Variants in CALN1 observed in about 807,000 individuals in gnomAD.
CALN1 encodes calneuron 1.
A neutral mutation model predicts 30.6 loss-of-function variants in CALN1; 17 were observed. The ratio of observed to expected loss-of-function variants is 0.56; its 90% CI spans 0.38 to 0.83. The LOEUF (loss-of-function observed/expected upper bound fraction) is 0.83, where lower values mean the gene tolerates loss of function less well. Among genes scored for constraint, CALN1 ranks in the 40% least tolerant of loss-of-function variants. The pLI is 0.00. For missense variants in CALN1, 291 were observed against 354.9 expected (o/e 0.82, Z 1.45); for synonymous variants, 156 against 131.4 (o/e 1.19, Z -1.28).
intron 3 of CALN1, among the ~76,000 whole-genome samples, chr7:72,258,675 T>C (rs1003902432): frequency 3.3e-5 from 5 of 152,044 alleles, no homozygotes; most frequent in African/African-American, 7.2e-5. Context: ...ATCTCAGCAC[T>C]CTGAGGCTGA....
intron 4 of CALN1, among the ~76,000 whole-genome samples, chr7:72,033,756 G>A (rs145934119): frequency 2.6e-5 from 4 of 152,228 alleles, no homozygotes; most frequent in East Asian, 1.9e-4. Flanking sequence ...GCTCATCTTC[G>A]ATGCAGAGTC....
At chr7:72,153,216 C>G (rs1417100880) in intron 3 of CALN1, among the ~76,000 whole-genome samples, 1 of 152,172 alleles carries the variant, frequency 6.6e-6, no homozygotes, top group Non-Finnish European at 1.5e-5. Flanking sequence ...TGCCAGGGGA[C>G]ATTATTACAG....
At chr7:71,892,334 T>C (rs1793288686) in intron 5 of CALN1, among the ~76,000 whole-genome samples, 1 of 152,184 alleles carries the variant, frequency 6.6e-6, no homozygotes, top group African/African-American at 2.4e-5. Flanking sequence ...CTAGTATTTT[T>C]CTCATAAAAT....
intron 6 of CALN1, among the ~76,000 whole-genome samples, chr7:71,792,141 A>G (rs559191370): frequency 1.1e-4 from 17 of 152,186 alleles, no homozygotes; most frequent in Non-Finnish European, 2.4e-4. Flanking sequence ...TTTCCTGATA[A>G]TTATTGAAGA....
At chr7:72,063,057 G>C (rs1211978710) in intron 4 of CALN1, among the ~76,000 whole-genome samples, 1 of 152,060 alleles carries the variant, frequency 6.6e-6, no homozygotes, top group Admixed American at 6.6e-5. Flanking sequence ...AACACCTAGA[G>C]TCTAATACCT....
At chr7:72,454,191 C>T in the CALN1 span, among the ~76,000 whole-genome samples, 1 of 152,160 alleles carries the variant, frequency 6.6e-6, no homozygotes, top group African/African-American at 2.4e-5. Context: ...CTCAATTCAT[C>T]ATCTGTGGGA....
At chr7:72,000,509 GA>G (rs1799471100) in intron 5 of CALN1, among the ~76,000 whole-genome samples, 2 of 151,796 alleles carry the variant, frequency 1.3e-5, no homozygotes, top group Admixed American at 6.6e-5. Flanking sequence ...CACCATTAAA[GA>G]AATTGATTTC....
intron 5 of CALN1, among the ~76,000 whole-genome samples, chr7:71,815,026 AGTTTCACCGT>A (rs1181390076): frequency 6.6e-6 from 1 of 151,762 alleles, no homozygotes; most frequent in Non-Finnish European, 1.5e-5. Context: ...GTAGAGACGG[AGTTTCACCGT>A]GTTAGCCAGG....
At chr7:72,317,088 G>GAGAGAAAGAAAGAA (rs369726495) in intron 2 of CALN1, among the ~76,000 whole-genome samples, 1 of 141,988 alleles carries the variant, frequency 7.0e-6, no homozygotes. Flanking sequence ...GAAAGAGAGA[G>GAGAGAAAGAAAGAA]AGAGAGGGAG....
chr7:72,020,142 C>A (rs1800622158), intron 5 of CALN1, among the ~76,000 whole-genome samples: 1 of 152,154 alleles, frequency 6.6e-6, no homozygotes, highest in Admixed American at 6.5e-5. Context: ...TCACTGCAGC[C>A]TCAAACTCCT....
intron 5 of CALN1, among the ~76,000 whole-genome samples, chr7:71,923,165 A>G (rs1017471700): frequency 1.3e-5 from 2 of 152,198 alleles, no homozygotes; most frequent in South Asian, 4.1e-4. Flanking sequence ...TAAACAAGTG[A>G]GTAGCTTCAA....
chr7:71,846,854 GTATA>G (rs986116759), intron 5 of CALN1, among the ~76,000 whole-genome samples: 1 of 132,808 alleles, frequency 7.5e-6, no homozygotes, highest in Admixed American at 7.5e-5. Context: ...TATTATATAT[GTATA>G]TATGTATGTA....
chr7:72,156,844 C>T (rs148906467), intron 3 of CALN1, among the ~76,000 whole-genome samples: 1 of 152,292 alleles, frequency 6.6e-6, no homozygotes, highest in East Asian at 1.9e-4. Flanking sequence ...ATATCACAAC[C>T]CCACCTGCAA....
intron 3 of CALN1, among the ~76,000 whole-genome samples, chr7:72,261,464 G>A (rs375904158): frequency 6.6e-6 from 1 of 151,842 alleles, no homozygotes; most frequent in Admixed American, 6.6e-5. Flanking sequence ...TGTTGCCAAG[G>A]CTGGAGTGCA....
intron 5 of CALN1, among the ~76,000 whole-genome samples, chr7:71,898,018 GGA>G (rs1178513997): frequency 1.2e-4 from 10 of 80,944 alleles, no homozygotes; most frequent in Admixed American, 2.9e-4. Context: ...GGAGGGGGGG[GGA>G]GAGAGAGAGA....
chr7:72,347,345 C>G (rs2129559099), intron 2 of CALN1, among the ~76,000 whole-genome samples: 1 of 151,976 alleles, frequency 6.6e-6, no homozygotes, highest in South Asian at 2.1e-4. Flanking sequence ...CAGCTCACTG[C>G]AGCCTCTGCC....
intron 3 of CALN1, among the ~76,000 whole-genome samples, chr7:72,148,657 C>A (rs1392229505): frequency 2.0e-5 from 3 of 152,042 alleles, no homozygotes; most frequent in African/African-American, 7.2e-5. Flanking sequence ...GTAATCCCAG[C>A]ACTTTGGGAG....
At chr7:72,204,147 CCTGG>C (rs1411661392) in intron 3 of CALN1, among the ~76,000 whole-genome samples, 2 of 147,842 alleles carry the variant, frequency 1.4e-5, no homozygotes, top group Non-Finnish European at 3.0e-5. Flanking sequence ...TGTCACCACA[CCTGG>C]CTAATTTTTT....
At chr7:72,189,091 AAG>A (rs1436826121) in intron 3 of CALN1, among the ~76,000 whole-genome samples, 1 of 152,220 alleles carries the variant, frequency 6.6e-6, no homozygotes, top group Non-Finnish European at 1.5e-5. Flanking sequence ...AGCCAAAATT[AAG>A]AGACTCTTAA....
Sources: allele counts gnomAD v4.1 joint callset (sites outside exome capture counted in the v4.1 genomes callset), GRCh38; gene constraint gnomAD v4.1.1; transcripts MANE v1.5; gene names NCBI Gene and HGNC (gene_info 2026-07-23, HGNC 2026-07-21).